Variants in GSG1L observed in about 807,000 individuals in gnomAD.
The protein encoded by GSG1L is germ cell-specific gene 1-like protein.
A neutral mutation model predicts 42.1 loss-of-function variants in GSG1L; 24 were observed. That is an observed-to-expected ratio of 0.57 (90% confidence interval 0.41 to 0.80). The LOEUF (loss-of-function observed/expected upper bound fraction) is 0.80, where lower values mean the gene tolerates loss of function less well. GSG1L is among the 30% of genes least tolerant of loss of function. The pLI, the probability that GSG1L is intolerant of heterozygous loss-of-function variation, is 0.00. For missense variants in GSG1L, 445 were observed against 472.2 expected, an observed-to-expected ratio of 0.94 and a Z score of 0.53; for synonymous variants, 215 against 203.5, an observed-to-expected ratio of 1.06 and a Z score of -0.48.
At chr16:27,846,288 C>G (rs2083442594) in intron 3 of GSG1L, among the ~76,000 whole-genome samples, 1 of 152,154 alleles carries the variant, frequency 6.6e-6, no homozygotes, top group Non-Finnish European at 1.5e-5. Context: ...AATGCTGAGT[C>G]TCTCTGGAAT....
chr16:28,057,905 G>A (rs77069543), intron 1 of GSG1L, among the ~76,000 whole-genome samples: 1 of 152,178 alleles, frequency 6.6e-6, no homozygotes, highest in Non-Finnish European at 1.5e-5. Context: ...TGGGTCATGG[G>A]ACAGGGCTCT....
At chr16:27,905,344 C>T (rs1226835424) in intron 2 of GSG1L, among the ~76,000 whole-genome samples, 17 of 137,532 alleles carry the variant, frequency 1.2e-4, no homozygotes, top group African/African-American at 4.3e-4. Context: ...TTTTTTAAAG[C>T]GACAGGGTCT....
chr16:27,959,564 A>C, intron 2 of GSG1L, among the ~76,000 whole-genome samples: 1 of 150,852 alleles, frequency 6.6e-6, no homozygotes, highest in African/African-American at 2.4e-5. Context: ...GAAAGAGAGA[A>C]AGGGCAGAAG....
At chr16:27,942,264 C>T (rs2084808398) in intron 2 of GSG1L, among the ~76,000 whole-genome samples, 1 of 152,276 alleles carries the variant, frequency 6.6e-6, no homozygotes, top group Admixed American at 6.5e-5. Context: ...ATACTCCCAC[C>T]TCAGCCTCCC....
intron 4 of GSG1L, among the ~76,000 whole-genome samples, chr16:27,834,485 A>AT (rs1444947339): frequency 6.7e-6 from 1 of 150,324 alleles, no homozygotes; most frequent in African/African-American, 2.4e-5. Context: ...TATTTTCTGA[A>AT]AAAAAAAAAG....
At position 27,891,103 on chromosome 16, in the gene GSG1L, A is replaced by G. The variant is rs1202287540; in HGVS notation, c.398-6465T>C. On this transcript the variant is annotated intron_variant, in intron 2 of 6. Transcript: ENST00000447459. ...GGGGGACGTACACCAACCTGCCCCCATCCCCAGAAGCAGCCGTCCCCCCGT... is the reference window on the plus strand; with the variant it reads ...GGGGGACGTACACCAACCTGCCCCCGTCCCCAGAAGCAGCCGTCCCCCCGT... 2.6e-5 allele frequency among the ~76,000 whole-genome samples: 4 copies of G among 152,210 alleles called. No homozygotes were observed. The South Asian group carries it at 6.2e-4, about 24-fold the overall frequency.
rs140108842 is a variant in GSG1L at position 28,053,095 on chromosome 16, A to G, written c.349+9981T>C. On this transcript the variant is annotated intron_variant, in intron 1 of 6. Coordinates refer to ENST00000447459, the MANE Select transcript of GSG1L (RefSeq NM_001109763.2). ...TCAGCCTCCCATGCCCTCTTCCAGA[A>G]AAGGATCCCCTGTAGAGAAACCAGG... Among the ~76,000 whole-genome samples the G allele has an allele frequency of 3.0e-4, 46 of 152,306 alleles. 1 individual carries two copies. Among genetic ancestry groups the G allele is most frequent in the African/African-American group, 9.1e-4 (38 of 41,574 alleles).
chr16:27,925,367 C>T (rs991099222), intron 2 of GSG1L, among the ~76,000 whole-genome samples: 14 of 152,006 alleles, frequency 9.2e-5, no homozygotes, highest in African/African-American at 3.1e-4. Flanking sequence ...TGAGTGTCCC[C>T]GGAAGGCTGT....
chr16:27,822,765 C>T (rs1160947287), intron 5 of GSG1L, among the ~76,000 whole-genome samples: 1 of 152,104 alleles, frequency 6.6e-6, no homozygotes, highest in African/African-American at 2.4e-5. Context: ...CTCTGTGGTT[C>T]TAGGTGCAGG....
At chr16:27,906,273 C>T (rs1029234884) in intron 2 of GSG1L, among the ~76,000 whole-genome samples, 1 of 152,084 alleles carries the variant, frequency 6.6e-6, no homozygotes, top group African/African-American at 2.4e-5. Flanking sequence ...TTGTAGCCAG[C>T]ATATTAAGCA....
chr16:27,984,650 CT>C, intron 1 of GSG1L, among the ~76,000 whole-genome samples: 1 of 152,116 alleles, frequency 6.6e-6, no homozygotes, highest in South Asian at 2.1e-4. Flanking sequence ...GGCCTTTATC[CT>C]GTTTCTGGCA....
chr16:28,028,835 T>C (rs2141172573), intron 1 of GSG1L, among the ~76,000 whole-genome samples: 1 of 152,332 alleles, frequency 6.6e-6, no homozygotes, highest in Non-Finnish European at 1.5e-5. Context: ...ACTGCCTCTC[T>C]TCACAGTGCT....
chr16:27,851,017 G>GGA (rs1476258564), intron 3 of GSG1L, among the ~76,000 whole-genome samples: 2 of 152,094 alleles, frequency 1.3e-5, no homozygotes, highest in African/African-American at 4.8e-5. Context: ...ATGATCACGT[G>GGA]GAGAGGGAGA....
At chr16:28,003,454 C>T (rs1041032869) in intron 1 of GSG1L, among the ~76,000 whole-genome samples, 13 of 152,184 alleles carry the variant, frequency 8.5e-5, no homozygotes, top group African/African-American at 3.1e-4. Flanking sequence ...GTCCCTGTGA[C>T]CAGCCCTACA....
intron 1 of GSG1L, among the ~76,000 whole-genome samples, chr16:28,058,485 C>T (rs944203488): frequency 1.3e-5 from 2 of 151,880 alleles, no homozygotes; most frequent in Admixed American, 6.6e-5. Flanking sequence ...AAAAATTAGC[C>T]AGGTATGGTG....
At chr16:28,012,127 G>A (rs1014159469) in intron 1 of GSG1L, among the ~76,000 whole-genome samples, 1 of 152,052 alleles carries the variant, frequency 6.6e-6, no homozygotes, top group Non-Finnish European at 1.5e-5. Flanking sequence ...ATACTCCCAC[G>A]CAGTCGCTAC....
intron 1 of GSG1L, among the ~76,000 whole-genome samples, chr16:28,048,221 C>G (rs1307570533): frequency 6.6e-6 from 1 of 151,980 alleles, no homozygotes; most frequent in Admixed American, 6.6e-5. Context: ...GAGCAAGACT[C>G]TGCCTCAAAA....
intron 5 of GSG1L, among the ~76,000 whole-genome samples, chr16:27,825,753 C>T (rs1469839453): frequency 7.6e-6 from 1 of 132,352 alleles, no homozygotes; most frequent in Admixed American, 7.2e-5. Context: ...GGGGACAGTA[C>T]CCCTAATAAT....
intron 1 of GSG1L, among the ~76,000 whole-genome samples, chr16:28,012,475 A>ATGTC (rs1187369869): frequency 6.6e-6 from 1 of 152,148 alleles, no homozygotes; most frequent in Non-Finnish European, 1.5e-5. Flanking sequence ...TGTAGACAGA[A>ATGTC]TGTCTATTGG....
Sources: gnomAD v4.1 joint callset for allele counts (sites outside exome capture counted in the v4.1 genomes callset) on GRCh38, gnomAD v4.1.1 for gene constraint, MANE v1.5 for transcripts, NCBI Gene and HGNC (gene_info 2026-07-23, HGNC 2026-07-21) for gene names.